Variants in CALML4 observed in about 807,000 individuals in gnomAD.
The protein encoded by CALML4 is calmodulin-like protein 4.
CALML4 carries 16 observed loss-of-function variants against 17.9 expected under a neutral mutation model. The ratio of observed to expected loss-of-function variants is 0.89; its 90% CI spans 0.61 to 1.36. The LOEUF (loss-of-function observed/expected upper bound fraction) is 1.36, where lower values mean the gene tolerates loss of function less well. CALML4 is among the 40% of genes most tolerant of loss of function. The pLI is 0.00. For missense variants in CALML4, 203 were observed against 194.8 expected (o/e 1.04, Z -0.25); for synonymous variants, 86 against 71.5 (o/e 1.20, Z -1.02).
intron 2 of CALML4, among the ~76,000 whole-genome samples, chr15:68,203,666 T>A (rs1410308583): frequency 6.6e-6 from 1 of 152,198 alleles, no homozygotes; most frequent in East Asian, 1.9e-4. Context: ...GTCCAGCATG[T>A]AACTGACATT....
At position 68,199,740 on chromosome 15, in the gene CALML4, C is replaced by T. The variant is rs985219692; in HGVS notation, c.35-59G>A. On this transcript the variant is annotated intron_variant, in intron 2 of 4. Transcript: ENST00000467889. ...CTGGTCACTCTCCGCCCATGCCGCC[C>T]TCCCCATCCTTAGTCTCTTCTCCCT... 3.2e-6 allele frequency: 5 copies of T among 1,551,334 alleles called. No individual in the cohort carries two copies. In the East Asian group the frequency reaches 6.9e-5, roughly 22 times the overall value.
Position 68,205,019 on chromosome 15 carries a change from C to A in CALML4, c.34+102G>T. 1 of 1,435,994 alleles carries A rather than the reference C, an allele frequency of 7.0e-7. No individual in the cohort carries two copies. Among genetic ancestry groups the A allele is most frequent in the Admixed American group, 1.8e-5 (1 of 56,162 alleles). The allele number at this position is 1,435,994 out of a possible 1,614,324, so 89.0% of individuals were successfully genotyped here. ...TGGCCCTGGGTGGGCCCAGCTCTCCCACAGCCACCTTCCTTCCCACCAAGA... is the reference window on the plus strand; with the variant it reads ...TGGCCCTGGGTGGGCCCAGCTCTCCAACAGCCACCTTCCTTCCCACCAAGA... On this transcript the variant is annotated intron_variant, in intron 2 of 4. Coordinates refer to ENST00000467889, the MANE Select transcript of CALML4 (RefSeq NM_033429.3). The surrounding 1 kb of genome is among the most constrained non-coding windows in gnomAD (Gnocchi z 4.8).
chr15:68,194,405 AAC>A (rs2093134164), intron 4 of CALML4, among the ~76,000 whole-genome samples: 3 of 150,288 alleles, frequency 2.0e-5, no homozygotes, highest in Non-Finnish European at 4.4e-5. Flanking sequence ...TTTTTTTTAA[AAC>A]AGTTTCGCTC....
rs2093127346 is a variant in CALML4, at chr15:68,193,027, G to A, written c.*988C>T. Reference sequence around the variant, plus strand: ...CTCCAGCTGGATGGACTCCCAGAAAGCCTAGTGCTCCTACTACTGTTTTCC... The same window carrying A: ...CTCCAGCTGGATGGACTCCCAGAAAACCTAGTGCTCCTACTACTGTTTTCC... On this transcript the variant is annotated 3_prime_UTR_variant, in exon 5 of 5. Coordinates refer to ENST00000467889, the MANE Select transcript of CALML4 (RefSeq NM_033429.3). The A allele has an allele frequency of 6.6e-6, 1 of 152,284 alleles. No individual in the cohort carries two copies. Among genetic ancestry groups the A allele is most frequent in the Non-Finnish European group, 1.5e-5 (1 of 68,110 alleles). The allele number at this position is 152,284 out of a possible 1,614,324, so 9.4% of individuals were successfully genotyped here.
Position 68,199,525 on chromosome 15 carries a change from TCCCA to T in CALML4, c.175+12_175+15del. On this transcript the variant is annotated intron_variant, in intron 3 of 4. Coordinates refer to ENST00000467889, the MANE Select transcript of CALML4 (RefSeq NM_033429.3). Reference sequence around the variant, plus strand: ...TGGGCCCCTCCCCTCTCCCCGTTGTTCCCACCACCACTCACCTATCCCGTGGGTC... The same window carrying T: ...TGGGCCCCTCCCCTCTCCCCGTTGTTCCACCACTCACCTATCCCGTGGGTC... The T allele has an allele frequency of 6.2e-7, 1 of 1,602,510 alleles. No individual in the cohort carries two copies. Among genetic ancestry groups the T allele is most frequent in the Non-Finnish European group, 8.5e-7 (1 of 1,173,678 alleles).
chr15:68,192,814 GATAC>G lies in CALML4; in HGVS notation c.*1197_*1200del, dbSNP rs1056352999. ...GCCACAGCCCAGAGAACCCACTTTTGATACATACATGGATGCAAATCTTTGTACT... is the reference window on the plus strand; with the variant it reads ...GCCACAGCCCAGAGAACCCACTTTTGATACATGGATGCAAATCTTTGTACT... On this transcript the variant is annotated 3_prime_UTR_variant, in exon 5 of 5. Coordinates refer to ENST00000467889, the MANE Select transcript of CALML4 (RefSeq NM_033429.3). 6.6e-6 allele frequency: 1 copy of G among 152,222 alleles called. No homozygotes were observed. The highest frequency in any genetic ancestry group is 1.5e-5 in the Non-Finnish European group (1 of 68,080). 9.4% of individuals were successfully genotyped at this position (152,222 alleles called of 1,614,324 possible). A position where few individuals can be genotyped will look rare whatever the true frequency, so the allele number is the denominator to read the frequency against.
intron 2 of CALML4, 41 bp from the exon 3 acceptor site, chr15:68,199,722 C>T: frequency 6.3e-7 from 1 of 1,585,070 alleles, no homozygotes; most frequent in East Asian, 2.3e-5. Context: ...CGTCTGGTCA[C>T]TCTCCGCCCA....
Position 68,192,308 on chromosome 15 carries a change from G to A in CALML4, c.*1707C>T, listed in dbSNP as rs1047860077. The A allele has an allele frequency of 6.6e-6, 1 of 152,184 alleles. No individual in the cohort carries two copies. Among genetic ancestry groups the A allele is most frequent in the African/African-American group, 2.4e-5 (1 of 41,436 alleles). 9.4% of individuals were successfully genotyped at this position (152,184 alleles called of 1,614,324 possible). A position where few individuals can be genotyped will look rare whatever the true frequency, so the allele number is the denominator to read the frequency against. On this transcript the variant is annotated 3_prime_UTR_variant, in exon 5 of 5. Transcript: ENST00000467889. ...CTGGTGGATTTACCATGAAGGTAAT[G>A]AAGTTTAAGCACCAGGACCCTTCAC...
chr15:68,197,966 C>G lies in CALML4; in HGVS notation c.176-338G>C, dbSNP rs2093151746. 4.1e-6 allele frequency: 1 copy of G among 246,806 alleles called. No homozygotes were observed. The highest frequency in any genetic ancestry group is 7.9e-6 in the Non-Finnish European group (1 of 126,450). The allele number at this position is 246,806 out of a possible 1,614,324, so 15.3% of individuals were successfully genotyped here. A position where few individuals can be genotyped will look rare whatever the true frequency, so the allele number is the denominator to read the frequency against. ...CCTCCTGCCCTGAACTGGAGGGAAA[C>G]AGGTCCATGTGTGCATTCCACCTTT... is the stretch of plus-strand genomic sequence containing the variant. On this transcript the variant is annotated intron_variant, in intron 3 of 4. Transcript: ENST00000467889. This position sits in a 1 kb window ranked among gnomAD's most constrained non-coding sequence, Gnocchi z 4.1.
chr15:68,205,350 C>T (rs760690130), upstream of CALML4: 1 of 1,613,912 alleles, frequency 6.2e-7, no homozygotes, highest in Admixed American at 1.7e-5. The surrounding 1 kb of genome is among the most constrained non-coding windows in gnomAD (Gnocchi z 4.8). Context: ...TGGGTGGAGG[C>T]CCGGGTAATA....
chr15:68,205,372 G>C, upstream of CALML4: 1 of 1,613,840 alleles, frequency 6.2e-7, no homozygotes. This position sits in a 1 kb window ranked among gnomAD's most constrained non-coding sequence, Gnocchi z 4.8. Context: ...ATGCTCGGCT[G>C]CCATGGAGAC....
At chr15:68,198,866 T>C (rs747348955) in intron 3 of CALML4, among the ~76,000 whole-genome samples, 3 of 152,100 alleles carry the variant, frequency 2.0e-5, no homozygotes, top group African/African-American at 7.2e-5. Context: ...GCTTGTAAAA[T>C]GGAGTTAGGA....
rs1175676039 is a variant in CALML4 at position 68,191,825 on chromosome 15, G to A, written c.*2190C>T. ...GAGTAAGGTAACAGCCCTTCCTCGG[G>A]TAGAGGTTTGAATCAAACACTTAAT... On this transcript the variant is annotated 3_prime_UTR_variant, in exon 5 of 5. Transcript: ENST00000467889. 8 of 152,136 alleles carry A rather than the reference G, an allele frequency of 5.3e-5. No individual in the cohort carries two copies. Among genetic ancestry groups the A allele is most frequent in the Non-Finnish European group, 1.2e-4 (8 of 68,034 alleles). The allele number at this position is 152,136 out of a possible 1,614,324, so 9.4% of individuals were successfully genotyped here.
Position 68,197,851 on chromosome 15 carries a change from G to A in CALML4, c.176-223C>T, listed in dbSNP as rs1325929498. On this transcript the variant is annotated intron_variant, in intron 3 of 4. Coordinates refer to ENST00000467889, the MANE Select transcript of CALML4 (RefSeq NM_033429.3). This position sits in a 1 kb window ranked among gnomAD's most constrained non-coding sequence, Gnocchi z 4.1. ...TCTTCATTTCAGCAACGTCCTCAGT[G>A]ACGATGCTTATCATCACCCCAAAGC... The A allele has an allele frequency of 1.9e-6, 1 of 526,738 alleles. No individual in the cohort carries two copies. The highest frequency in any genetic ancestry group is 3.4e-6 in the Non-Finnish European group (1 of 294,772). The allele number at this position is 526,738 out of a possible 1,614,324, so 32.6% of individuals were successfully genotyped here.
In CALML4 at chr15:68,197,051, C is replaced by T. The variant is rs998857468; in HGVS notation, c.364+389G>A. 6.6e-6 allele frequency among the ~76,000 whole-genome samples: 1 copy of T among 152,130 alleles called. No individual in the cohort carries two copies. The highest frequency in any genetic ancestry group is 1.5e-5 in the Non-Finnish European group (1 of 68,008). ...CGCTCCTGCGCCGCTGCTTGGGAGC[C>T]GCTCACTCCCCCTGCTTCTTTATCA... On this transcript the variant is annotated intron_variant, in intron 4 of 4. Transcript: ENST00000467889. The surrounding 1 kb of genome is among the most constrained non-coding windows in gnomAD (Gnocchi z 4.1).
intron 4 of CALML4, among the ~76,000 whole-genome samples, chr15:68,195,271 C>CAGTT (rs377754548): frequency 1.1e-3 from 175 of 152,326 alleles, no homozygotes; most frequent in East Asian, 4.1e-3. Context: ...CTCCGGTCGT[C>CAGTT]AGTTAGAAAA....
In CALML4 at chr15:68,193,875, A is replaced by C; in HGVS notation, c.*140T>G. 1.6e-6 allele frequency: 1 copy of C among 616,746 alleles called. No homozygotes were observed. The highest frequency in any genetic ancestry group is 2.9e-6 in the Non-Finnish European group (1 of 340,854). 38.2% of individuals were successfully genotyped at this position (616,746 alleles called of 1,614,324 possible). On this transcript the variant is annotated 3_prime_UTR_variant, in exon 5 of 5. Coordinates refer to ENST00000467889, the MANE Select transcript of CALML4 (RefSeq NM_033429.3). ...GCTGAAATCATCTATTATTGTTGCT[A>C]GTTAGCCTCTCTTCTATAGTTGGGT...
chr15:68,205,446 G>T, upstream of CALML4: 1 of 1,594,040 alleles, frequency 6.3e-7, no homozygotes, highest in Non-Finnish European at 8.5e-7. The surrounding 1 kb of genome is among the most constrained non-coding windows in gnomAD (Gnocchi z 4.8). Flanking sequence ...CCGCCACCTG[G>T]GCAGGTTGGA....
rs1369046882 is a variant in CALML4, at chr15:68,197,120, T to C, written c.364+320A>G. Among the ~76,000 whole-genome samples, 1 of 146,036 alleles carries C rather than the reference T, an allele frequency of 6.8e-6. No homozygotes were observed. The highest frequency in any genetic ancestry group is 1.9e-4 in the East Asian group (1 of 5,140). ...GCTCCCAGGGGTGTCATGCACTAGA[T>C]GAAGCCCCACAGTGAGAGCTTGAAC... On this transcript the variant is annotated intron_variant, in intron 4 of 4. Coordinates refer to ENST00000467889, the MANE Select transcript of CALML4 (RefSeq NM_033429.3). The surrounding 1 kb of genome is among the most constrained non-coding windows in gnomAD (Gnocchi z 4.1).
Sources: allele counts gnomAD v4.1 joint callset (sites outside exome capture counted in the v4.1 genomes callset), GRCh38; gene constraint gnomAD v4.1.1; non-coding constraint Gnocchi (gnomAD v3.1); transcripts MANE v1.5; gene names NCBI Gene and HGNC (gene_info 2026-07-23, HGNC 2026-07-21).